RBFOX3: variants seen among roughly 807,000 people sequenced by gnomAD.
RBFOX3 encodes RNA binding protein fox-1 homolog 3.
RBFOX3 carries 17 observed loss-of-function variants against 48.7 expected under a neutral mutation model. The ratio of observed to expected loss-of-function variants is 0.35; its 90% confidence interval spans 0.24 to 0.52. RBFOX3 has a LOEUF of 0.52. Among genes scored for constraint, RBFOX3 ranks in the 20% least tolerant of loss-of-function variants. RBFOX3 has a pLI of 0.94. For synonymous variants in RBFOX3, 212 were observed against 209.5 expected (o/e 1.01, Z -0.10); for missense variants, 382 against 497.5 (o/e 0.77, Z 2.21).
the RBFOX3 span, among the ~76,000 whole-genome samples, chr17:79,652,388 G>A: frequency 6.6e-6 from 1 of 151,634 alleles, no homozygotes; most frequent in African/African-American, 2.4e-5. Context: ...CAAGGCTGCA[G>A]TGAGTTATGA....
rs559433579 is a variant in RBFOX3 at position 79,151,140 on chromosome 17, G to C, written c.-33-35392C>G. 7.2e-5 allele frequency among the ~76,000 whole-genome samples: 11 copies of C among 152,124 alleles called. No individual in the cohort carries two copies. The South Asian group carries it at 1.9e-3, about 26-fold the overall frequency. On this transcript the variant is annotated intron_variant, in intron 4 of 14. Coordinates refer to ENST00000693108, the MANE Select transcript of RBFOX3 (RefSeq NM_001350451.2). ...GGCGCAGATTCTGGGTTTGATCCTC[G>C]CGCTGCTCCCCCTACTCGGGGCAAG... is the stretch of plus-strand genomic sequence containing the variant.
intron 6 of RBFOX3, among the ~76,000 whole-genome samples, chr17:79,105,913 G>A (rs1323159706): frequency 6.6e-6 from 1 of 152,104 alleles, no homozygotes; most frequent in Non-Finnish European, 1.5e-5. Context: ...CCCACCACTC[G>A]GCAGCCCCAG....
chr17:79,462,869 ACTT>A (rs1296310449), intron 2 of RBFOX3, among the ~76,000 whole-genome samples: 2 of 152,152 alleles, frequency 1.3e-5, no homozygotes, highest in South Asian at 2.1e-4. Context: ...TCTGACATTT[ACTT>A]CTTCTGGGAC....
intron 2 of RBFOX3, among the ~76,000 whole-genome samples, chr17:79,316,350 T>C (rs1034970889): frequency 1.4e-4 from 21 of 152,252 alleles, no homozygotes; most frequent in African/African-American, 5.1e-4. Flanking sequence ...AGCATGTAGA[T>C]GGGGCCAGGC....
chr17:79,558,186 C>G (rs1157479537), intron 1 of RBFOX3, among the ~76,000 whole-genome samples: 1 of 152,140 alleles, frequency 6.6e-6, no homozygotes, highest in East Asian at 1.9e-4. Context: ...AAAGACATAC[C>G]CTCAGAGGAG....
At chr17:79,530,937 C>A (rs1182622874) in intron 1 of RBFOX3, among the ~76,000 whole-genome samples, 1 of 152,194 alleles carries the variant, frequency 6.6e-6, no homozygotes, top group Non-Finnish European at 1.5e-5. Flanking sequence ...CAGTCAGAGC[C>A]ACGTGGCTGT....
intron 2 of RBFOX3, among the ~76,000 whole-genome samples, chr17:79,468,500 T>A (rs112605946): frequency 6.6e-6 from 1 of 151,950 alleles, no homozygotes; most frequent in Admixed American, 6.6e-5. Context: ...GGATGATAGA[T>A]AGATGCATAC....
At chr17:79,459,480 A>G (rs1707945585) in intron 2 of RBFOX3, among the ~76,000 whole-genome samples, 1 of 152,160 alleles carries the variant, frequency 6.6e-6, no homozygotes, top group Admixed American at 6.5e-5. Context: ...GGCACTGGGC[A>G]ACGTCCTGCC....
intron 3 of RBFOX3, among the ~76,000 whole-genome samples, chr17:79,265,834 G>C (rs769497663): frequency 1.3e-5 from 2 of 152,186 alleles, no homozygotes; most frequent in Non-Finnish European, 2.9e-5. Context: ...TGGGCAGGTC[G>C]TGTCTACCGC....
At chr17:79,275,123 C>CCTCTCTCTCTCTCTCTCTCTCTCTCT in intron 3 of RBFOX3, among the ~76,000 whole-genome samples, 1 of 130,658 alleles carries the variant, frequency 7.7e-6, no homozygotes, top group East Asian at 2.3e-4. Flanking sequence ...TCCATGTCTC[C>CCTCTCTCTCTCTCTCTCTCTCTCTCT]CTCTCTCTCT....
chr17:79,570,887 T>C lies in RBFOX3; in HGVS notation c.-320+39939A>G, dbSNP rs1416544731. Among the ~76,000 whole-genome samples, 6 of 152,222 alleles carry C rather than the reference T, an allele frequency of 3.9e-5. No homozygotes were observed. The South Asian group carries it at 6.2e-4, about 16-fold the overall frequency. ...ATAGCTGTGGGTTGCTTTTAAAAAA[T>C]AGAATGTCATGTCTCAGGAAGGATG... On this transcript the variant is annotated intron_variant, in intron 1 of 14. Coordinates refer to ENST00000693108, the MANE Select transcript of RBFOX3 (RefSeq NM_001350451.2).
intron 9 of RBFOX3, chr17:79,100,003 C>A (rs887856963): frequency 6.6e-6 from 1 of 152,266 alleles, no homozygotes; most frequent in Non-Finnish European, 1.5e-5. Flanking sequence ...GCCCTCTGTG[C>A]CCAGGCTGAT....
intron 1 of RBFOX3, among the ~76,000 whole-genome samples, chr17:79,531,520 G>A (rs1258462041): frequency 2.6e-5 from 4 of 152,238 alleles, no homozygotes; most frequent in South Asian, 2.1e-4. Context: ...CGGGGGAGAC[G>A]GAATAATCCA....
intron 4 of RBFOX3, among the ~76,000 whole-genome samples, chr17:79,162,291 C>T (rs994200212): frequency 9.4e-5 from 14 of 148,844 alleles, no homozygotes; most frequent in Middle Eastern, 3.4e-3. Context: ...GTCATGGGGC[C>T]GCCTGCACAC....
chr17:79,539,710 G>C (rs539191575), intron 1 of RBFOX3, among the ~76,000 whole-genome samples: 3 of 152,194 alleles, frequency 2.0e-5, no homozygotes, highest in Non-Finnish European at 4.4e-5. Flanking sequence ...CTTCTGTGTT[G>C]TAAGAACAAA....
intron 4 of RBFOX3, among the ~76,000 whole-genome samples, chr17:79,233,149 G>A (rs905119223): frequency 1.1e-4 from 17 of 152,174 alleles, no homozygotes; most frequent in Middle Eastern, 3.2e-3. Context: ...CAATCCCAGC[G>A]TGGAATACTA....
intron 2 of RBFOX3, among the ~76,000 whole-genome samples, chr17:79,461,191 G>GT (rs2075321150): frequency 6.6e-6 from 1 of 152,210 alleles, no homozygotes; most frequent in Admixed American, 6.5e-5. Flanking sequence ...AGGACCCAGC[G>GT]TGATGACTAA....
intron 11 of RBFOX3, 69 bp downstream of exon 11, chr17:79,097,223 G>C: frequency 1.5e-6 from 2 of 1,361,688 alleles, no homozygotes; most frequent in South Asian, 2.8e-5. Flanking sequence ...ACTGCGCAGG[G>C]CCTCCCCATT....
the RBFOX3 span, among the ~76,000 whole-genome samples, chr17:79,648,494 G>A: frequency 1.3e-5 from 2 of 152,208 alleles, no homozygotes; most frequent in African/African-American, 4.8e-5. Flanking sequence ...CCATTGCAGA[G>A]GCTGGTAAGG....
Sources: gnomAD v4.1 joint callset for allele counts (sites outside exome capture counted in the v4.1 genomes callset) on GRCh38, gnomAD v4.1.1 for gene constraint, MANE v1.5 for transcripts, NCBI Gene and HGNC (gene_info 2026-07-23, HGNC 2026-07-21) for gene names.